Variants in ATP8B3 observed in about 807,000 individuals in gnomAD.
The protein encoded by ATP8B3 is phospholipid-transporting ATPase IK.
A neutral mutation model predicts 140.9 loss-of-function variants in ATP8B3; 141 were observed. That is an observed-to-expected ratio of 1.00 (90% CI 0.87 to 1.15). The LOEUF (loss-of-function observed/expected upper bound fraction) is 1.15. Ranked by LOEUF, ATP8B3 falls within the 50% of genes most tolerant of loss-of-function variation. The probability of loss-of-function intolerance (pLI) is 0.00; values close to 1 mark genes in which losing one functional copy is unlikely to be tolerated. For synonymous variants in ATP8B3, 765 were observed against 714.6 expected (o/e 1.07, Z -1.13); for missense variants, 1,874 against 1,740.6 (o/e 1.08, Z -1.36).
intron 14 of ATP8B3, among the ~76,000 whole-genome samples, chr19:1,797,351 G>A (rs941897755): frequency 4.8e-4 from 73 of 151,742 alleles, no homozygotes; most frequent in Non-Finnish European, 7.2e-4. Flanking sequence ...AGCCTGGAGC[G>A]GGATGTGGCC....
Position 1,792,102 on chromosome 19 carries a change from G to A in ATP8B3, c.2089C>T (p.Leu697=), listed in dbSNP as rs535242679. ...FAQETLRTLC[L]AYREVAEDIY... The stretch of plus-strand genomic sequence containing the variant: ...TCCTCAGCCACCTCCCTGTAGGCCA[G>A]GCACAGTGTCCGCAGGGTCTCCTGG... Residue 697 remains leucine, a synonymous_variant, in exon 19 of 29, where the codon CTG becomes TTG. Coordinates refer to ENST00000310127, the MANE Select transcript of ATP8B3 (RefSeq NM_138813.4). 1.5e-4 allele frequency: 239 copies of A among 1,576,590 alleles called. No individual in the cohort carries two copies. The highest frequency in any genetic ancestry group is 2.0e-4 in the Non-Finnish European group (232 of 1,165,952).
At chr19:1,812,076 G>C in intron 1 of ATP8B3, 110 bp downstream of exon 1, 1 of 252,180 alleles carries the variant, frequency 4.0e-6, no homozygotes, top group Non-Finnish European at 7.5e-6. Flanking sequence ...ACCTCTAGGG[G>C]CGCGCTCTCC....
chr19:1,790,831 T>G lies in ATP8B3; in HGVS notation c.2304A>C (p.Glu768Asp). The change falls in exon 21 of 29, where the codon GAA (glutamate) becomes GAC (aspartate). Residue 768 changes from glutamate (E) to aspartate (D), a missense_variant and splice_region_variant. Glu to Asp is a conservative substitution (Grantham distance 45). Around this residue, in one of 3 missense-constraint regions of ATP8B3, gnomAD observed 840 missense variants for 760.9 expected, o/e 1.10. Coordinates refer to ENST00000310127, the MANE Select transcript of ATP8B3 (RefSeq NM_138813.4). ...KIWVLTGDKQ[E>D]TAVNIGFACE... ...AGGCGAAGCCGATGTTCACAGCCGT[T>G]TCTGCGAAGCAGACCAGCTCAGCGC... is the stretch of plus-strand genomic sequence containing the variant. 6.3e-7 allele frequency: 1 copy of G among 1,597,622 alleles called. No individual in the cohort carries two copies. Among genetic ancestry groups the G allele is most frequent in the Non-Finnish European group, 8.5e-7 (1 of 1,173,614 alleles).
rs1214579608 is a variant in ATP8B3 at position 1,805,876 on chromosome 19, A to G, written c.821+12T>C. 1 of 1,612,576 alleles carries G rather than the reference A, an allele frequency of 6.2e-7. No individual in the cohort carries two copies. Among genetic ancestry groups the G allele is most frequent in the Non-Finnish European group, 8.5e-7 (1 of 1,179,720 alleles). On this transcript the variant is annotated intron_variant, in intron 9 of 28. Coordinates refer to ENST00000310127, the MANE Select transcript of ATP8B3 (RefSeq NM_138813.4). The surrounding 1 kb of genome is among the most constrained non-coding windows in gnomAD (Gnocchi z 5.2). ...ACCCCCCAGGGTCCCCAGCGATGCCACAGCTCCTCACCCGTCAATGTCCAC... is the reference window on the plus strand; with the variant it reads ...ACCCCCCAGGGTCCCCAGCGATGCCGCAGCTCCTCACCCGTCAATGTCCAC...
At chr19:1,792,914 CAAAA>C (rs199718872) in intron 18 of ATP8B3, among the ~76,000 whole-genome samples, 16 of 100,504 alleles carry the variant, frequency 1.6e-4, no homozygotes, top group South Asian at 3.1e-4. Flanking sequence ...GATTCTGTTT[CAAAA>C]AAAAAAAAAA....
In ATP8B3 at chr19:1,807,735, T is replaced by C. The variant is rs78429776; in HGVS notation, c.517-469A>G. On this transcript the variant is annotated intron_variant, in intron 5 of 28. Transcript: ENST00000310127. The surrounding 1 kb of genome is among the most constrained non-coding windows in gnomAD (Gnocchi z 5.9). ...AGAACCTCTCCATCCAGAACAGAAA[T>C]GAGATGTTGGGTGAGAGTGTTTGCT... 0.013 allele frequency among the ~76,000 whole-genome samples: 1,985 copies of C among 152,056 alleles called. 23 individuals carry two copies. The highest frequency in any genetic ancestry group is 0.02 in the Non-Finnish European group (1,366 of 67,916).
chr19:1,795,824 CACACACACACACACACACACACAT>C (rs2068647936), intron 18 of ATP8B3, 27 bp downstream of exon 18: 3 of 1,254,902 alleles, frequency 2.4e-6, no homozygotes, highest in African/African-American at 3.1e-5. Context: ...CACACACACA[CACACACACACACACACACACACAT>C]AAGCCAGCCT....
At position 1,805,776 on chromosome 19, in the gene ATP8B3, C is replaced by T; in HGVS notation, c.821+112G>A. 1 of 1,358,296 alleles carries T rather than the reference C, an allele frequency of 7.4e-7. No individual in the cohort carries two copies. Among genetic ancestry groups the T allele is most frequent in the Non-Finnish European group, 1.0e-6 (1 of 975,790 alleles). The allele number at this position is 1,358,296 out of a possible 1,614,324, so 84.1% of individuals were successfully genotyped here. ...CCCAGACACTCATGGGGTGAGTGAC[C>T]AAAGTCTCTGAGCGACCTTGGCTGG... On this transcript the variant is annotated intron_variant, in intron 9 of 28. Transcript: ENST00000310127. This position sits in a 1 kb window ranked among gnomAD's most constrained non-coding sequence, Gnocchi z 5.2.
At chr19:1,804,607 CAA>C (rs757054535) in intron 10 of ATP8B3, among the ~76,000 whole-genome samples, 2 of 116,960 alleles carry the variant, frequency 1.7e-5, no homozygotes. Context: ...GACTCCGTCT[CAA>C]AAAAAAAAAA....
Position 1,806,461 on chromosome 19 carries a change from CTCG to C in ATP8B3, c.677+164_677+166del. On this transcript the variant is annotated intron_variant, in intron 7 of 28. Transcript: ENST00000310127. The surrounding 1 kb of genome is among the most constrained non-coding windows in gnomAD (Gnocchi z 5.6). ...CGCCATCAGGGCCTCGGCCTCTGTCCTCGTCCCGGCCAAACGCCTAATGAATGC... is the reference window on the plus strand; with the variant it reads ...CGCCATCAGGGCCTCGGCCTCTGTCCTCCCGGCCAAACGCCTAATGAATGC... The C allele has an allele frequency of 6.8e-7, 1 of 1,463,088 alleles. No homozygotes were observed. The highest frequency in any genetic ancestry group is 9.0e-7 in the Non-Finnish European group (1 of 1,112,250). The allele number at this position is 1,463,088 out of a possible 1,614,324, so 90.6% of individuals were successfully genotyped here. A position where few individuals can be genotyped will look rare whatever the true frequency, so the allele number is the denominator to read the frequency against.
chr19:1,805,939 G>C lies in ATP8B3; in HGVS notation c.770C>G (p.Ala257Gly). Reference sequence around the variant, plus strand: ...GCACAGGCTGCTGGGCTCCGTGCTGGCCAGCAAGAGCATGTCGGCCTGGTG... The same window carrying C: ...GCACAGGCTGCTGGGCTCCGTGCTGCCCAGCAAGAGCATGTCGGCCTGGTG... ...NIVPADMLLL[A>G]STEPSSLCYV... The change falls in exon 9 of 29, where the codon GCC (alanine) becomes GGC (glycine). Residue 257 changes from alanine (A) to glycine (G), a missense_variant. Physicochemically the swap from Ala to Gly is moderately conservative, Grantham distance 60. Transcript: ENST00000310127. The surrounding 1 kb of genome is among the most constrained non-coding windows in gnomAD (Gnocchi z 5.2). The C allele has an allele frequency of 6.2e-7, 1 of 1,610,988 alleles. No individual in the cohort carries two copies. The highest frequency in any genetic ancestry group is 1.1e-5 in the South Asian group (1 of 91,082).
Position 1,795,994 on chromosome 19 carries a change from G to A in ATP8B3, c.1943-7C>T, listed in dbSNP as rs1341356827. ...GCGCCCTCTGGCTTTCGAACTGTGG[G>A]GGAACAGGCCCTGCTGCCCACAGAG... On this transcript the variant is annotated splice_region_variant and splice_polypyrimidine_tract_variant and intron_variant, in intron 17 of 28. Transcript: ENST00000310127. The A allele has an allele frequency of 6.2e-7, 1 of 1,613,068 alleles. No individual in the cohort carries two copies. Among genetic ancestry groups the A allele is most frequent in the East Asian group, 2.2e-5 (1 of 44,882 alleles).
At position 1,806,490 on chromosome 19, in the gene ATP8B3, A is replaced by G; in HGVS notation, c.677+138T>C. Reference sequence around the variant, plus strand: ...TCCCGGCCAAACGCCTAATGAATGCAGGCCCGGTTCCTGTCGGACTCAACC... The same window carrying G: ...TCCCGGCCAAACGCCTAATGAATGCGGGCCCGGTTCCTGTCGGACTCAACC... On this transcript the variant is annotated intron_variant, in intron 7 of 28. Coordinates refer to ENST00000310127, the MANE Select transcript of ATP8B3 (RefSeq NM_138813.4). The surrounding 1 kb of genome is among the most constrained non-coding windows in gnomAD (Gnocchi z 5.6). 6.7e-7 allele frequency: 1 copy of G among 1,484,342 alleles called. No individual in the cohort carries two copies. The highest frequency in any genetic ancestry group is 1.4e-5 in the South Asian group (1 of 73,744). The allele number at this position is 1,484,342 out of a possible 1,614,324, so 91.9% of individuals were successfully genotyped here.
chr19:1,787,728 T>TAAAAA (rs561418063), intron 24 of ATP8B3, among the ~76,000 whole-genome samples: 12 of 119,776 alleles, frequency 1.0e-4, no homozygotes, highest in East Asian at 5.0e-4. Context: ...AAACTCTGTC[T>TAAAAA]AAAAAAAAAA....
rs367609099 is a variant in ATP8B3, at chr19:1,785,333, G to A, written c.3394-36C>T. 5.4e-5 allele frequency: 84 copies of A among 1,563,386 alleles called. No homozygotes were observed. The African/African-American group carries it at 1.1e-3, about 21-fold the overall frequency. The stretch of plus-strand genomic sequence containing the variant: ...AGCGGTGGGGTAAATCCGGGGCCTA[G>A]CGGGGCTTGCACCAGGACACCAGCC... On this transcript the variant is annotated intron_variant, in intron 26 of 28. Transcript: ENST00000310127.
rs2068198909 is a variant in ATP8B3 at position 1,782,958 on chromosome 19, C to G, written c.*70G>C. On this transcript the variant is annotated 3_prime_UTR_variant, in exon 29 of 29. Coordinates refer to ENST00000310127, the MANE Select transcript of ATP8B3 (RefSeq NM_138813.4). Reference sequence around the variant, plus strand: ...GAGCTAGGTGTAGGGGGGAGCTGTACTTCCTGGGAGGACACCTGCCCCTGT... The same window carrying G: ...GAGCTAGGTGTAGGGGGGAGCTGTAGTTCCTGGGAGGACACCTGCCCCTGT... The G allele has an allele frequency of 6.5e-7, 1 of 1,534,984 alleles. No homozygotes were observed. The highest frequency in any genetic ancestry group is 8.8e-7 in the Non-Finnish European group (1 of 1,136,252).
At chr19:1,809,344 G>A (rs796121139) in intron 4 of ATP8B3, among the ~76,000 whole-genome samples, 33 of 151,448 alleles carry the variant, frequency 2.2e-4, no homozygotes, top group African/African-American at 7.5e-4. Context: ...AGTCAGGCGT[G>A]GTGGTGCATG....
chr19:1,797,508 ATTT>A (rs1440379759), intron 14 of ATP8B3, among the ~76,000 whole-genome samples: 9 of 122,086 alleles, frequency 7.4e-5, no homozygotes, highest in Non-Finnish European at 1.3e-4. Context: ...TTATTTATTT[ATTT>A]ATTTTTGAGA....
rs1052354342 is a variant in ATP8B3, at chr19:1,782,184, GC to G, written c.*843del. 2.0e-5 allele frequency: 5 copies of G among 244,618 alleles called. No homozygotes were observed. The highest frequency in any genetic ancestry group is 2.4e-5 in the Non-Finnish European group (3 of 125,152). 15.2% of individuals were successfully genotyped at this position (244,618 alleles called of 1,614,324 possible). A position where few individuals can be genotyped will look rare whatever the true frequency, so the allele number is the denominator to read the frequency against. ...TGCTGGTTGACTTGCAGCAGAACTG[GC>G]TGGAGCTTCTTCTTCCCAGGAAGGA... On this transcript the variant is annotated 3_prime_UTR_variant, in exon 29 of 29. Coordinates refer to ENST00000310127, the MANE Select transcript of ATP8B3 (RefSeq NM_138813.4).
Sources: allele counts gnomAD v4.1 joint callset (sites outside exome capture counted in the v4.1 genomes callset), GRCh38; gene constraint gnomAD v4.1.1; regional missense constraint gnomAD v4.1.1; non-coding constraint Gnocchi (gnomAD v3.1); transcripts MANE v1.5; gene names NCBI Gene and HGNC (gene_info 2026-07-23, HGNC 2026-07-21).